RAD51B: variants seen among roughly 807,000 people sequenced by gnomAD.
RAD51B encodes DNA repair protein RAD51 homolog 2.
RAD51B carries 38 observed loss-of-function variants against 42.2 expected under a neutral mutation model. The observed-to-expected ratio is 0.90, with a 90% CI of 0.70 to 1.18. The LOEUF is 1.18. RAD51B is among the 50% of genes most tolerant of loss of function. RAD51B has a pLI of 0.00. For synonymous variants in RAD51B, 154 were observed against 145.2 expected, an observed-to-expected ratio of 1.06 and a Z score of -0.43; for missense variants, 373 against 400.7, an observed-to-expected ratio of 0.93 and a Z score of 0.59.
At chr14:68,117,345 G>A (rs1375776533) in intron 7 of RAD51B, among the ~76,000 whole-genome samples, 1 of 152,076 alleles carries the variant, frequency 6.6e-6, no homozygotes, top group African/African-American at 2.4e-5. Flanking sequence ...TCCATTAAAT[G>A]TTGCAGTTAT....
intron 8 of RAD51B, among the ~76,000 whole-genome samples, chr14:68,328,262 C>A (rs187481237): frequency 3.9e-5 from 6 of 152,230 alleles, no homozygotes; most frequent in Non-Finnish European, 7.4e-5. Context: ...GGTTTTGCTC[C>A]CTGAAATTAC....
At chr14:68,208,014 A>T (rs917276946) in intron 7 of RAD51B, among the ~76,000 whole-genome samples, 1 of 152,204 alleles carries the variant, frequency 6.6e-6, no homozygotes, top group African/African-American at 2.4e-5. Flanking sequence ...GTGTGTATAA[A>T]GTGCCCAAGT....
intron 3 of RAD51B, among the ~76,000 whole-genome samples, chr14:67,827,187 A>T (rs370417109): frequency 6.6e-6 from 1 of 152,224 alleles, no homozygotes; most frequent in Non-Finnish European, 1.5e-5. Context: ...ACTAGATTCA[A>T]ATTAACTTGT....
chr14:68,558,213 G>A (rs1888956729), intron 10 of RAD51B, among the ~76,000 whole-genome samples: 1 of 152,160 alleles, frequency 6.6e-6, no homozygotes, highest in Non-Finnish European at 1.5e-5. Flanking sequence ...TTCAAGTGTT[G>A]GTTTCCGTTG....
intron 7 of RAD51B, among the ~76,000 whole-genome samples, chr14:67,980,525 G>A (rs1168229362): frequency 2.0e-5 from 3 of 152,170 alleles, no homozygotes; most frequent in Admixed American, 6.5e-5. Context: ...AATCAAGGCA[G>A]GGTATTGGCA....
chr14:68,003,618 C>T (rs903731915), intron 7 of RAD51B, among the ~76,000 whole-genome samples: 1 of 152,110 alleles, frequency 6.6e-6, no homozygotes, highest in Admixed American at 6.5e-5. Flanking sequence ...GGAATGCTTC[C>T]AGCTTTTGCC....
chr14:68,150,248 G>T (rs978380169), intron 7 of RAD51B, among the ~76,000 whole-genome samples: 8 of 152,160 alleles, frequency 5.3e-5, no homozygotes, highest in African/African-American at 1.9e-4. Flanking sequence ...CCAGCCTGAA[G>T]ACTTTTATTT....
At chr14:68,635,156 C>A (rs1207566217) in intron 10 of RAD51B, among the ~76,000 whole-genome samples, 1 of 152,146 alleles carries the variant, frequency 6.6e-6, no homozygotes, top group African/African-American at 2.4e-5. Flanking sequence ...GAGTATCCCC[C>A]CCTCAATTTC....
intron 7 of RAD51B, among the ~76,000 whole-genome samples, chr14:68,163,982 A>G (rs933715660): frequency 6.6e-6 from 1 of 152,156 alleles, no homozygotes; most frequent in African/African-American, 2.4e-5. Context: ...TTTCTTGAGA[A>G]GAAATGTTCT....
intron 10 of RAD51B, among the ~76,000 whole-genome samples, chr14:68,513,880 T>C (rs904066687): frequency 6.6e-6 from 1 of 152,210 alleles, no homozygotes; most frequent in African/African-American, 2.4e-5. Flanking sequence ...AATAGCAACA[T>C]GGGGCTTGTG....
intron 10 of RAD51B, among the ~76,000 whole-genome samples, chr14:68,514,834 G>C (rs762197565): frequency 3.3e-5 from 5 of 152,142 alleles, no homozygotes; most frequent in Non-Finnish European, 5.9e-5. Flanking sequence ...TTCTAGACCT[G>C]AGATCCTATC....
chr14:68,480,175 C>A (rs1192609626), downstream of RAD51B, among the ~76,000 whole-genome samples: 1 of 152,142 alleles, frequency 6.6e-6, no homozygotes, highest in Non-Finnish European at 1.5e-5. Context: ...CGGGTTCAAG[C>A]AATTCTCCTG....
At chr14:68,340,931 G>GTA (rs1437820427) in intron 8 of RAD51B, among the ~76,000 whole-genome samples, 1 of 152,208 alleles carries the variant, frequency 6.6e-6, no homozygotes, top group African/African-American at 2.4e-5. Flanking sequence ...CATCCTTATA[G>GTA]GTTAAGAAGC....
intron 7 of RAD51B, among the ~76,000 whole-genome samples, chr14:68,184,505 A>G (rs866788932): frequency 3.3e-5 from 5 of 151,984 alleles, no homozygotes; most frequent in African/African-American, 1.2e-4. Flanking sequence ...TCATCTTCCC[A>G]AAGTGCTGGG....
intron 5 of RAD51B, among the ~76,000 whole-genome samples, chr14:67,867,696 C>T (rs559304480): frequency 1.5e-4 from 23 of 152,228 alleles, no homozygotes; most frequent in Non-Finnish European, 2.6e-4. Context: ...GCTCTCATAG[C>T]GAGGAAGAAG....
chr14:68,398,177 T>C (rs1263935478), intron 8 of RAD51B, among the ~76,000 whole-genome samples: 1 of 152,222 alleles, frequency 6.6e-6, no homozygotes, highest in African/African-American at 2.4e-5. Flanking sequence ...GGGGCCCAGC[T>C]CTCCCTCTGA....
chr14:68,570,873 C>CCACA (rs9323516), intron 10 of RAD51B, among the ~76,000 whole-genome samples: 43,181 of 150,090 alleles, frequency 0.29, 6,209 homozygotes, highest in Admixed American at 0.32. Context: ...GGCTGGAGCG[C>CCACA]CACACACACA....
At chr14:67,914,100 A>G (rs1329819934) in intron 7 of RAD51B, among the ~76,000 whole-genome samples, 3 of 151,840 alleles carry the variant, frequency 2.0e-5, no homozygotes, top group African/African-American at 7.3e-5. Context: ...CTCTTGCCTC[A>G]GCCTCCAGAG....
At chr14:68,170,759 T>C (rs1473688986) in intron 7 of RAD51B, among the ~76,000 whole-genome samples, 1 of 152,262 alleles carries the variant, frequency 6.6e-6, no homozygotes, top group Non-Finnish European at 1.5e-5. Context: ...ATGAATTCTA[T>C]AACCATTCTA....
Sources: gnomAD v4.1 joint callset for allele counts (sites outside exome capture counted in the v4.1 genomes callset) on GRCh38, gnomAD v4.1.1 for gene constraint, MANE v1.5 for transcripts, NCBI Gene and HGNC (gene_info 2026-07-23, HGNC 2026-07-21) for gene names.